Variants in TNRC6C observed in about 807,000 individuals in gnomAD.
TNRC6C encodes the protein trinucleotide repeat-containing gene 6C protein.
Under a neutral mutation model 153.7 loss-of-function variants are expected in TNRC6C, and 20 were observed. The observed-to-expected ratio is 0.13, with a 90% confidence interval of 0.09 to 0.19. The LOEUF (loss-of-function observed/expected upper bound fraction) is 0.19, where lower values mean the gene tolerates loss of function less well. Among genes scored for constraint, TNRC6C ranks in the 10% least tolerant of loss-of-function variants. The probability of loss-of-function intolerance (pLI) is 1.00; values close to 1 mark genes in which losing one functional copy is unlikely to be tolerated. For missense variants in TNRC6C, 1,987 were observed against 2,172.0 expected (o/e 0.91, Z 1.69); for synonymous variants, 811 against 841.4 (o/e 0.96, Z 0.63).
chr17:78,096,448 C>T (rs149584323), intron 16 of TNRC6C, among the ~76,000 whole-genome samples: 1 of 152,238 alleles, frequency 6.6e-6, no homozygotes, highest in Non-Finnish European at 1.5e-5. Context: ...TGAAGACCTG[C>T]AGATTACCCA....
chr17:78,098,296 C>T (rs2073525132), intron 16 of TNRC6C, 47 bp from the exon 20 acceptor site: 2 of 1,517,066 alleles, frequency 1.3e-6, no homozygotes, highest in African/African-American at 1.4e-5. Context: ...AGTGAGTTTT[C>T]TTCTTTGTCT....
At chr17:78,013,568 C>T (rs1316601159) in intron 1 of TNRC6C, among the ~76,000 whole-genome samples, 2 of 152,178 alleles carry the variant, frequency 1.3e-5, no homozygotes, top group Non-Finnish European at 2.9e-5. Context: ...AGATACACTT[C>T]CCACTCTCAT....
chr17:77,982,383 T>A (rs1005497281), intron 1 of TNRC6C, among the ~76,000 whole-genome samples: 1 of 152,062 alleles, frequency 6.6e-6, no homozygotes, highest in African/African-American at 2.4e-5. Context: ...CATAATTCTT[T>A]CATAGAACTT....
At chr17:78,033,618 G>A (rs1014081292) in intron 2 of TNRC6C, among the ~76,000 whole-genome samples, 8 of 151,758 alleles carry the variant, frequency 5.3e-5, no homozygotes, top group Admixed American at 3.9e-4. Context: ...GCGGCGAGCC[G>A]AGATCACGCC....
At chr17:78,108,723 C>G (rs1180305604) in exon 20 of TNRC6C, 2 of 154,028 alleles carry the variant, frequency 1.3e-5, no homozygotes, top group Non-Finnish European at 2.9e-5. Flanking sequence ...ACCATTTCCA[C>G]CCATGGGTGA....
chr17:78,022,786 G>A (rs938216609), intron 1 of TNRC6C, among the ~76,000 whole-genome samples: 1 of 152,188 alleles, frequency 6.6e-6, no homozygotes, highest in Non-Finnish European at 1.5e-5. Context: ...CTCCTTATCT[G>A]TGGCTTCTGC....
chr17:78,069,937 G>A (rs553852666), intron 5 of TNRC6C, among the ~76,000 whole-genome samples: 3 of 152,316 alleles, frequency 2.0e-5, no homozygotes, highest in African/African-American at 7.2e-5. Context: ...AAACTGCTAT[G>A]AGTAGTGCCT....
intron 13 of TNRC6C, among the ~76,000 whole-genome samples, chr17:78,088,249 C>G (rs1047829251): frequency 6.6e-5 from 10 of 151,918 alleles, no homozygotes; most frequent in Admixed American, 5.9e-4. Context: ...TAATTATTGT[C>G]TCATCCATTA....
chr17:78,101,302 C>T (rs978560830), intron 17 of TNRC6C, among the ~76,000 whole-genome samples: 2 of 152,190 alleles, frequency 1.3e-5, no homozygotes, highest in Non-Finnish European at 1.5e-5. Flanking sequence ...CCAACAAGTT[C>T]CTCATTTCCA....
At chr17:78,057,441 G>T (rs569646460) in intron 3 of TNRC6C, among the ~76,000 whole-genome samples, 20 of 152,330 alleles carry the variant, frequency 1.3e-4, no homozygotes, top group Middle Eastern at 3.4e-3. Context: ...TCATAGAGGT[G>T]ACAGCATGCA....
intron 17 of TNRC6C, among the ~76,000 whole-genome samples, chr17:78,099,736 CA>C (rs2073555748): frequency 6.6e-6 from 1 of 152,186 alleles, no homozygotes; most frequent in Admixed American, 6.5e-5. Flanking sequence ...CCTCACATTT[CA>C]AAACCAATCA....
Position 78,049,403 on chromosome 17 carries a change from A to G in TNRC6C, c.341A>G (p.His114Arg), listed in dbSNP as rs769684082. ...CCAGCTGCCTGGCCTGTACTTGGAC[A>G]TGAAGGAACCGTGGCGACAGGCAAC... The change falls in exon 3 of 20, where the codon CAT becomes CGT. Residue 114 changes from histidine (H) to arginine (R), a missense_variant. By Grantham distance (29) the His-to-Arg change is conservative (BLOSUM62 0). Transcript: ENST00000301624. This position sits in a 1 kb window ranked among gnomAD's most constrained non-coding sequence, Gnocchi z 4.1. 5 of 1,614,032 alleles carry G rather than the reference A, an allele frequency of 3.1e-6. No individual in the cohort carries two copies. Among genetic ancestry groups the G allele is most frequent in the South Asian group, 1.1e-5 (1 of 91,090 alleles).
intron 1 of TNRC6C, among the ~76,000 whole-genome samples, chr17:78,006,812 A>C (rs2071524032): frequency 6.8e-6 from 1 of 146,798 alleles, no homozygotes. Flanking sequence ...ATTTTCTTTT[A>C]TTTATTTATT....
intron 4 of TNRC6C, chr17:78,066,381 T>C (rs936056878): frequency 2.6e-5 from 4 of 152,206 alleles, no homozygotes; most frequent in Non-Finnish European, 5.9e-5. Flanking sequence ...TTGCTAATAC[T>C]CGATAGTATG....
intron 3 of TNRC6C, among the ~76,000 whole-genome samples, chr17:78,063,632 A>G (rs942382480): frequency 6.6e-6 from 1 of 152,080 alleles, no homozygotes; most frequent in African/African-American, 2.4e-5. Context: ...ACTCTGATCC[A>G]TAATTCAACT....
Position 78,104,429 on chromosome 17 carries a change from C to G in TNRC6C, c.4713-56C>G. On this transcript the variant is annotated intron_variant, in intron 19 of 19. Transcript: ENST00000301624. The surrounding 1 kb of genome is among the most constrained non-coding windows in gnomAD (Gnocchi z 6.2). ...CCCAATACAGAGAAAGCCAGTGCCA[C>G]GAACTCAGCAGGACTTGGGGTGGCC... 2.1e-6 allele frequency: 3 copies of G among 1,424,928 alleles called. No homozygotes were observed. Among genetic ancestry groups the G allele is most frequent in the Non-Finnish European group, 2.8e-6 (3 of 1,087,408 alleles). The allele number at this position is 1,424,928 out of a possible 1,614,324, so 88.3% of individuals were successfully genotyped here.
chr17:78,072,476 G>T (rs1324673148), intron 6 of TNRC6C, among the ~76,000 whole-genome samples: 1 of 152,190 alleles, frequency 6.6e-6, no homozygotes, highest in Non-Finnish European at 1.5e-5. Context: ...ACTGGGACAG[G>T]AATCCTGTCC....
chr17:78,089,019 G>A (rs965156013), intron 13 of TNRC6C, among the ~76,000 whole-genome samples: 1 of 140,118 alleles, frequency 7.1e-6, no homozygotes, highest in Non-Finnish European at 1.5e-5. Context: ...CCAGGCTGGA[G>A]TGCGATGGCG....
At chr17:78,094,241 A>C (rs1360592772) in intron 16 of TNRC6C, among the ~76,000 whole-genome samples, 1 of 151,758 alleles carries the variant, frequency 6.6e-6, no homozygotes, top group Non-Finnish European at 1.5e-5. Context: ...TGCTGGATTT[A>C]TTGATAAGTA....
Sources: allele counts gnomAD v4.1 joint callset (sites outside exome capture counted in the v4.1 genomes callset), GRCh38; gene constraint gnomAD v4.1.1; non-coding constraint Gnocchi (gnomAD v3.1); transcripts MANE v1.5; gene names NCBI Gene and HGNC (gene_info 2026-07-23, HGNC 2026-07-21).